MTHFS: variants seen among roughly 807,000 people sequenced by gnomAD.
The protein encoded by MTHFS is methenyltetrahydrofolate synthetase, also known as 5-formyltetrahydrofolate cyclo-ligase.
MTHFS carries 7 observed loss-of-function variants against 12.7 expected under a neutral mutation model. The ratio of observed to expected loss-of-function variants is 0.55; its 90% confidence interval spans 0.31 to 1.03. The LOEUF is 1.03. Among genes scored for constraint, MTHFS ranks in the 50% least tolerant of loss-of-function variants. The pLI is 0.05. For synonymous variants in MTHFS, 100 were observed against 97.1 expected, an observed-to-expected ratio of 1.03 and a Z score of -0.18; for missense variants, 252 against 258.1, an observed-to-expected ratio of 0.98 and a Z score of 0.16.
chr15:79,896,424 G>C (rs1014369610), intron 1 of MTHFS, among the ~76,000 whole-genome samples: 1 of 152,000 alleles, frequency 6.6e-6, no homozygotes, highest in Non-Finnish European at 1.5e-5. Context: ...TAATATAACC[G>C]GAGTCTTACT....
At chr15:79,896,711 AGG>A in intron 1 of MTHFS, 159 bp downstream of exon 1, 1 of 1,237,216 alleles carries the variant, frequency 8.1e-7, no homozygotes, top group African/African-American at 1.6e-5. Context: ...GACCACGACT[AGG>A]GGGCGTGCGC....
At chr15:79,866,956 G>C (rs186708116) in intron 2 of MTHFS, among the ~76,000 whole-genome samples, 15 of 151,374 alleles carry the variant, frequency 9.9e-5, no homozygotes, top group Admixed American at 5.9e-4. Flanking sequence ...CTCCAGCCTG[G>C]ACAGCAGAGT....
intron 2 of MTHFS, among the ~76,000 whole-genome samples, chr15:79,884,452 T>C (rs761182471): frequency 1.3e-5 from 2 of 152,196 alleles, no homozygotes; most frequent in Non-Finnish European, 2.9e-5. Context: ...AAGGCTTGAA[T>C]AGGGTAGATG....
At chr15:79,876,658 T>A (rs2034201344) in intron 2 of MTHFS, 1 of 145,324 alleles carries the variant, frequency 6.9e-6, no homozygotes, top group African/African-American at 2.6e-5. Flanking sequence ...GTTCCTAGAA[T>A]TAAATGAATA....
chr15:79,889,538 T>A (rs888581182), intron 1 of MTHFS, among the ~76,000 whole-genome samples, 184 bp from the exon 2 acceptor site: 2 of 152,124 alleles, frequency 1.3e-5, no homozygotes, highest in South Asian at 4.1e-4. Flanking sequence ...TGACTTTTAG[T>A]TTGGGACCCA....
chr15:79,849,085 T>C (rs1414636777), intron 2 of MTHFS, among the ~76,000 whole-genome samples: 1 of 152,196 alleles, frequency 6.6e-6, no homozygotes, highest in African/African-American at 2.4e-5. Context: ...GGTTTTGGAT[T>C]CCCAGGTAAC....
chr15:79,876,916 G>A (rs1338473920), intron 2 of MTHFS: 6 of 151,114 alleles, frequency 4.0e-5, no homozygotes, highest in African/African-American at 1.2e-4. Flanking sequence ...GGTGGCACGT[G>A]CCTGTAGTCC....
intron 2 of MTHFS, among the ~76,000 whole-genome samples, chr15:79,854,784 A>G (rs1005788318): frequency 6.6e-6 from 1 of 152,198 alleles, no homozygotes; most frequent in African/African-American, 2.4e-5. Flanking sequence ...TTGTCTAGAA[A>G]ATAACTCTAA....
intron 1 of MTHFS, among the ~76,000 whole-genome samples, chr15:79,891,898 G>A (rs963475035): frequency 1.4e-5 from 2 of 141,692 alleles, no homozygotes; most frequent in African/African-American, 5.3e-5. Flanking sequence ...AACCCAGGAG[G>A]CAGAGGATGA....
chr15:79,855,668 C>T (rs2033787488), intron 2 of MTHFS, among the ~76,000 whole-genome samples: 1 of 152,084 alleles, frequency 6.6e-6, no homozygotes, highest in Admixed American at 6.6e-5. Flanking sequence ...TCCCTTCTCC[C>T]ACTCCCCATC....
intron 2 of MTHFS, among the ~76,000 whole-genome samples, chr15:79,887,911 C>T (rs1234034681): frequency 1.3e-5 from 2 of 152,072 alleles, no homozygotes; most frequent in Non-Finnish European, 2.9e-5. Flanking sequence ...TACATAATCC[C>T]TCTACTGTTA....
intron 1 of MTHFS, among the ~76,000 whole-genome samples, chr15:79,894,176 T>C (rs986476609): frequency 1.3e-5 from 2 of 151,978 alleles, no homozygotes; most frequent in Non-Finnish European, 2.9e-5. Context: ...CGAGGTCGAG[T>C]TCGAGACCAC....
At chr15:79,884,031 T>C (rs1227862764) in intron 2 of MTHFS, among the ~76,000 whole-genome samples, 2 of 152,250 alleles carry the variant, frequency 1.3e-5, no homozygotes, top group Admixed American at 1.3e-4. Context: ...GCATTTTTAC[T>C]GAGCACCTAC....
At chr15:79,889,473 A>AAAAAAAAAAAAAAAC in intron 1 of MTHFS, 119 bp from the exon 2 acceptor site, 4 of 1,225,212 alleles carry the variant, frequency 3.3e-6, no homozygotes, top group East Asian at 3.1e-5. Flanking sequence ...AAGAAAAAAA[A>AAAAAAAAAAAAAAAC]AGGGGGGGGG....
At chr15:79,896,663 A>G in intron 1 of MTHFS, 1 of 868,930 alleles carries the variant, frequency 1.2e-6, no homozygotes, top group South Asian at 1.9e-5. Flanking sequence ...AACTTTCACT[A>G]CCGGGCCCTC....
chr15:79,896,889 G>A lies in MTHFS; in HGVS notation c.100C>T (p.Arg34Cys). 1 of 1,543,012 alleles carries A rather than the reference G, an allele frequency of 6.5e-7. No individual in the cohort carries two copies. The highest frequency in any genetic ancestry group is 8.7e-7 in the Non-Finnish European group (1 of 1,146,308). ...CCTCGCACCTTCTGGCTCAGTACGC[G>A]GGACTGGCGTAGCCGCTCCTCGGCA... is the stretch of plus-strand genomic sequence containing the variant. ...MSAEERLRQSRVLSQKVIAHS... is the reference protein window; with the variant it reads ...MSAEERLRQSCVLSQKVIAHS... Residue 34 changes from arginine to cysteine, a missense_variant, in exon 1 of 3, where the codon CGC becomes TGC. Arg to Cys is a radical substitution (Grantham distance 180). Transcript: ENST00000258874.
In MTHFS at chr15:79,845,246, T is replaced by C. The variant is rs1472777506; in HGVS notation, c.576A>G (p.Val192=). The change falls in exon 3 of 3, where the codon GTA becomes GTG. Residue 192 remains valine (V), a synonymous_variant. Coordinates refer to ENST00000258874, the MANE Select transcript of MTHFS (RefSeq NM_006441.4). ...ACGAGTCTTCGTAAAGGACTTCATC[T>C]ACCTTCATGTCGTTTTCATTCACTG... ...QVPVNENDMK[V]DEVLYEDSST... The C allele has an allele frequency of 1.9e-6, 3 of 1,614,240 alleles. No individual in the cohort carries two copies. The highest frequency in any genetic ancestry group is 8.5e-7 in the Non-Finnish European group (1 of 1,180,034).
At chr15:79,867,247 A>G (rs1287575716) in intron 2 of MTHFS, among the ~76,000 whole-genome samples, 4 of 152,220 alleles carry the variant, frequency 2.6e-5, no homozygotes, top group Non-Finnish European at 5.9e-5. Flanking sequence ...TTAGCAAATT[A>G]TATAAATGAA....
chr15:79,872,746 G>A lies in MTHFS; in HGVS notation c.379+16347C>T, dbSNP rs1016418779. Among the ~76,000 whole-genome samples the A allele has an allele frequency of 3.9e-5, 6 of 152,212 alleles. No homozygotes were observed. The South Asian group carries it at 1.0e-3, about 26-fold the overall frequency. On this transcript the variant is annotated intron_variant, in intron 2 of 2. Coordinates refer to ENST00000258874, the MANE Select transcript of MTHFS (RefSeq NM_006441.4). Reference sequence around the variant, plus strand: ...GGCATTTGTAAATCGTCATGGTGCTGGTAGGAGTTTCTTATGCCAATGAGC... The same window carrying A: ...GGCATTTGTAAATCGTCATGGTGCTAGTAGGAGTTTCTTATGCCAATGAGC...
Sources: allele counts gnomAD v4.1 joint callset (sites outside exome capture counted in the v4.1 genomes callset), GRCh38; gene constraint gnomAD v4.1.1; transcripts MANE v1.5; gene names NCBI Gene and HGNC (gene_info 2026-07-23, HGNC 2026-07-21).